TRAPPC9: variants seen among roughly 807,000 people sequenced by gnomAD.
TRAPPC9 encodes the protein IKK2 binding protein.
TRAPPC9 carries 83 observed loss-of-function variants against 124.0 expected under a neutral mutation model. That is an observed-to-expected ratio of 0.67 (90% confidence interval 0.56 to 0.80). The LOEUF is 0.80. TRAPPC9 is among the 30% of genes least tolerant of loss of function. The pLI, the probability that TRAPPC9 is intolerant of heterozygous loss-of-function variation, is 0.00. For synonymous variants in TRAPPC9, 638 were observed against 617.5 expected, an observed-to-expected ratio of 1.03 and a Z score of -0.49; for missense variants, 1,302 against 1,508.3, an observed-to-expected ratio of 0.86 and a Z score of 2.27.
intron 7 of TRAPPC9, among the ~76,000 whole-genome samples, chr8:140,372,187 C>A (rs1387659225): frequency 4.6e-5 from 7 of 152,238 alleles, no homozygotes; most frequent in Admixed American, 4.6e-4. Flanking sequence ...GGCCTGGGCC[C>A]TGCCCACTGC....
intron 14 of TRAPPC9, among the ~76,000 whole-genome samples, chr8:140,282,859 G>A (rs1406509559): frequency 1.3e-5 from 2 of 152,154 alleles, no homozygotes; most frequent in Non-Finnish European, 2.9e-5. Flanking sequence ...TTGCTTCTGG[G>A]ACTCCTGAGA....
intron 11 of TRAPPC9, among the ~76,000 whole-genome samples, chr8:140,300,232 T>G (rs1475511572): frequency 6.7e-6 from 1 of 150,062 alleles, no homozygotes; most frequent in South Asian, 2.1e-4. Flanking sequence ...AACACACATA[T>G]GCATGCACGC....
At chr8:140,061,120 A>T (rs1370375020) in intron 17 of TRAPPC9, among the ~76,000 whole-genome samples, 3 of 152,220 alleles carry the variant, frequency 2.0e-5, no homozygotes, top group Non-Finnish European at 4.4e-5. Context: ...ATGAGAAGCC[A>T]GAATTGAGAA....
At chr8:140,171,938 C>T (rs975670847) in intron 17 of TRAPPC9, among the ~76,000 whole-genome samples, 2 of 152,098 alleles carry the variant, frequency 1.3e-5, no homozygotes, top group African/African-American at 2.4e-5. Flanking sequence ...TATCTGGCGG[C>T]GTGAGGAGGG....
chr8:139,840,642 G>C (rs1181766722), intron 21 of TRAPPC9, among the ~76,000 whole-genome samples: 1 of 152,154 alleles, frequency 6.6e-6, no homozygotes, highest in South Asian at 2.1e-4. Flanking sequence ...CTGGACAGTC[G>C]GGCCAGGAGG....
intron 10 of TRAPPC9, among the ~76,000 whole-genome samples, chr8:140,309,857 C>T (rs1392587028): frequency 6.6e-6 from 1 of 152,182 alleles, no homozygotes; most frequent in Non-Finnish European, 1.5e-5. Context: ...TCCCTCTGGA[C>T]ATTCTGAGGA....
intron 17 of TRAPPC9, among the ~76,000 whole-genome samples, chr8:140,174,670 G>C (rs1286533988): frequency 6.6e-6 from 1 of 152,102 alleles, no homozygotes; most frequent in African/African-American, 2.4e-5. Context: ...GTCATATGAC[G>C]TGTGGCCTTT....
At chr8:140,033,669 T>TG (rs1563706662) in intron 17 of TRAPPC9, among the ~76,000 whole-genome samples, 21 of 73,276 alleles carry the variant, frequency 2.9e-4, no homozygotes, top group Non-Finnish European at 4.1e-4. Context: ...TTTTTTTTTT[T>TG]TTTTTTTTTT....
At chr8:139,932,475 T>C (rs529330560) in intron 19 of TRAPPC9, 27 of 457,520 alleles carry the variant, frequency 5.9e-5, no homozygotes, top group Middle Eastern at 3.4e-4. Context: ...AGAAATGTCA[T>C]GTAGACACTG....
At chr8:139,866,391 G>T (rs541708181) in intron 21 of TRAPPC9, among the ~76,000 whole-genome samples, 1 of 152,336 alleles carries the variant, frequency 6.6e-6, no homozygotes, top group South Asian at 2.1e-4. Flanking sequence ...CCCCGTGTGA[G>T]ATACCAGAGC....
At chr8:140,185,974 G>T (rs1462644444) in intron 17 of TRAPPC9, among the ~76,000 whole-genome samples, 1 of 152,140 alleles carries the variant, frequency 6.6e-6, no homozygotes, top group Non-Finnish European at 1.5e-5. Context: ...CAAGGAGAAG[G>T]GGTGGCTGCC....
At chr8:140,303,058 A>G (rs558910354) in intron 10 of TRAPPC9, among the ~76,000 whole-genome samples, 39 of 152,336 alleles carry the variant, frequency 2.6e-4, no homozygotes, top group Admixed American at 5.2e-4. Flanking sequence ...AGTCCGAAGC[A>G]CGACCCTGAA....
chr8:139,946,197 T>C (rs767120444), intron 19 of TRAPPC9, among the ~76,000 whole-genome samples: 1 of 152,188 alleles, frequency 6.6e-6, no homozygotes, highest in Non-Finnish European at 1.5e-5. Flanking sequence ...TCAAAGACCC[T>C]CCTGGTGTGG....
intron 2 of TRAPPC9, among the ~76,000 whole-genome samples, chr8:140,447,924 C>T (rs919384299): frequency 2.6e-5 from 4 of 152,080 alleles, no homozygotes; most frequent in African/African-American, 9.7e-5. Flanking sequence ...GCAGGTGGAT[C>T]ACTTGAGGTC....
At chr8:139,925,827 G>GCGCGCACA (rs1554673867) in intron 19 of TRAPPC9, among the ~76,000 whole-genome samples, 1 of 68,660 alleles carries the variant, frequency 1.5e-5, no homozygotes, top group African/African-American at 4.1e-5. Context: ...ACACGCACAC[G>GCGCGCACA]CACACACACA....
At chr8:139,741,473 C>T (rs1011692459) in intron 21 of TRAPPC9, among the ~76,000 whole-genome samples, 1 of 152,060 alleles carries the variant, frequency 6.6e-6, no homozygotes, top group Non-Finnish European at 1.5e-5. Flanking sequence ...TGGACTTGGT[C>T]TGGTTTTGTT....
At chr8:139,956,253 C>A (rs1834978290) in intron 19 of TRAPPC9, among the ~76,000 whole-genome samples, 1 of 151,646 alleles carries the variant, frequency 6.6e-6, no homozygotes, top group Admixed American at 6.6e-5. Context: ...CCTCTGCCCC[C>A]CGGATTCAAG....
At chr8:140,263,664 C>G (rs1324787856) in intron 15 of TRAPPC9, among the ~76,000 whole-genome samples, 1 of 152,164 alleles carries the variant, frequency 6.6e-6, no homozygotes, top group Non-Finnish European at 1.5e-5. Context: ...CATGGAGTGC[C>G]AGCTCCACTA....
rs368418041 is a variant in TRAPPC9 at position 140,252,771 on chromosome 8, G to A, written c.2431+6C>T. ...ACGTGCTAATTAAAATTAGGAAAGC[G>A]CTTACCATCACTGAGATCCTGCAGG... On this transcript the variant is annotated splice_donor_region_variant and intron_variant, in intron 16 of 22. Coordinates refer to ENST00000438773, the MANE Select transcript of TRAPPC9 (RefSeq NM_001160372.4). This position sits in a 1 kb window ranked among gnomAD's most constrained non-coding sequence, Gnocchi z 4.2. 1.1e-5 allele frequency: 17 copies of A among 1,613,408 alleles called. No individual in the cohort carries two copies. The highest frequency in any genetic ancestry group is 6.7e-5 in the African/African-American group (5 of 74,900).
Sources: allele counts gnomAD v4.1 joint callset (sites outside exome capture counted in the v4.1 genomes callset), GRCh38; gene constraint gnomAD v4.1.1; non-coding constraint Gnocchi (gnomAD v3.1); transcripts MANE v1.5; gene names NCBI Gene and HGNC (gene_info 2026-07-23, HGNC 2026-07-21).